Variants in UBE3C observed in about 807,000 individuals in gnomAD.
UBE3C encodes ubiquitin-protein ligase E3C.
Under a neutral mutation model 129.4 loss-of-function variants are expected in UBE3C, and 42 were observed. That is an observed-to-expected ratio of 0.32 (90% confidence interval 0.25 to 0.42). The LOEUF is 0.42. Ranked by LOEUF, UBE3C falls within the 10% of genes least tolerant of loss-of-function variation. The pLI, the probability that UBE3C is intolerant of heterozygous loss-of-function variation, is 1.00. For missense variants in UBE3C, 1,049 were observed against 1,319.1 expected (o/e 0.80, Z 3.17); for synonymous variants, 510 against 492.4 (o/e 1.04, Z -0.47).
chr7:157,180,732 C>T (rs935784977), intron 6 of UBE3C, among the ~76,000 whole-genome samples: 2 of 152,180 alleles, frequency 1.3e-5, no homozygotes, highest in Non-Finnish European at 2.9e-5. Context: ...GAGTTCCTAT[C>T]AGAAGCGTAG....
At chr7:157,259,638 T>C (rs552335574) in intron 22 of UBE3C, among the ~76,000 whole-genome samples, 7 of 152,308 alleles carry the variant, frequency 4.6e-5, no homozygotes, top group African/African-American at 1.7e-4. Flanking sequence ...CTACGTATTA[T>C]TATATGTAAT....
At chr7:157,187,097 C>G (rs2116939685) in intron 10 of UBE3C, 76 bp downstream of exon 10, 2 of 1,467,826 alleles carry the variant, frequency 1.4e-6, no homozygotes, top group South Asian at 2.7e-5. Context: ...TTGCTCTCCT[C>G]TTAAGTTTTG....
At chr7:157,233,066 C>T (rs1488577608) in intron 18 of UBE3C, among the ~76,000 whole-genome samples, 1 of 152,122 alleles carries the variant, frequency 6.6e-6, no homozygotes, top group Non-Finnish European at 1.5e-5. Context: ...CTCCCCCAGC[C>T]CTGGCCAACC....
At chr7:157,197,732 CTG>C (rs2116974824) in intron 10 of UBE3C, 5 of 1,610,792 alleles carry the variant, frequency 3.1e-6, no homozygotes, top group Middle Eastern at 1.7e-4. Context: ...CAGGACAAGA[CTG>C]TACAATAAAG....
intron 17 of UBE3C, among the ~76,000 whole-genome samples, chr7:157,226,837 C>T (rs1382438706): frequency 1.3e-5 from 2 of 151,810 alleles, no homozygotes; most frequent in African/African-American, 2.4e-5. Flanking sequence ...GCTGTGGCCT[C>T]TCCACAGGGC....
intron 17 of UBE3C, 57 bp from the exon 18 acceptor site, chr7:157,231,023 A>C (rs562722043): frequency 6.3e-7 from 1 of 1,596,036 alleles, no homozygotes; most frequent in South Asian, 1.1e-5. Flanking sequence ...AGGCTAGTTG[A>C]TGTTATTGCT....
intron 9 of UBE3C, 139 bp from the exon 10 acceptor site, chr7:157,186,695 G>A: frequency 1.1e-6 from 1 of 912,434 alleles, no homozygotes; most frequent in Middle Eastern, 2.4e-4. Flanking sequence ...CACACTAAGT[G>A]TACTGTGATG....
chr7:157,175,525 G>A (rs1037353265), intron 5 of UBE3C, among the ~76,000 whole-genome samples: 1 of 152,158 alleles, frequency 6.6e-6, no homozygotes, highest in African/African-American at 2.4e-5. Flanking sequence ...AGTGATGTGA[G>A]TTACATTACC....
intron 11 of UBE3C, among the ~76,000 whole-genome samples, chr7:157,205,697 T>C (rs1226396070): frequency 6.6e-6 from 1 of 152,272 alleles, no homozygotes; most frequent in Non-Finnish European, 1.5e-5. Context: ...CATTCATTCA[T>C]TGATGAATCT....
intron 13 of UBE3C, 119 bp downstream of exon 13, chr7:157,208,054 ACTT>A (rs1809486376): frequency 7.0e-5 from 8 of 114,762 alleles, no homozygotes; most frequent in East Asian, 6.2e-4. Context: ...AATTTGCAAG[ACTT>A]TTTTTTTTTT....
intron 4 of UBE3C, among the ~76,000 whole-genome samples, chr7:157,174,101 G>A (rs969893658): frequency 7.9e-5 from 12 of 152,268 alleles, no homozygotes; most frequent in African/African-American, 1.2e-4. Context: ...GGTGGCTCAC[G>A]TGTATAATCC....
chr7:157,197,122 AATT>A (rs1473417708), intron 10 of UBE3C, among the ~76,000 whole-genome samples: 18 of 152,336 alleles, frequency 1.2e-4, no homozygotes, highest in Admixed American at 7.2e-4. Context: ...TAGGAGAAAT[AATT>A]ATTGTATGAT....
At chr7:157,230,164 C>T (rs534061584) in intron 17 of UBE3C, among the ~76,000 whole-genome samples, 6 of 152,106 alleles carry the variant, frequency 3.9e-5, no homozygotes, top group South Asian at 2.1e-4. Flanking sequence ...CCCACCTCAG[C>T]GTCCCAAAGT....
At chr7:157,200,835 C>T (rs1300541360) in intron 10 of UBE3C, among the ~76,000 whole-genome samples, 1 of 152,058 alleles carries the variant, frequency 6.6e-6, no homozygotes, top group African/African-American at 2.4e-5. Context: ...AGGCTGGTCT[C>T]AAACTCCTAG....
At chr7:157,163,145 G>A (rs1210440060) in intron 1 of UBE3C, among the ~76,000 whole-genome samples, 1 of 152,008 alleles carries the variant, frequency 6.6e-6, no homozygotes, top group East Asian at 1.9e-4. Flanking sequence ...CAGCACTTTG[G>A]GAGGCCGAGG....
chr7:157,224,102 G>T (rs1036705484), intron 16 of UBE3C, among the ~76,000 whole-genome samples: 2 of 151,920 alleles, frequency 1.3e-5, no homozygotes, highest in Non-Finnish European at 2.9e-5. Context: ...TCAAACTCCT[G>T]GGCGCAAGCC....
chr7:157,156,394 C>A (rs1247622620), intron 1 of UBE3C, among the ~76,000 whole-genome samples: 3 of 149,838 alleles, frequency 2.0e-5, no homozygotes, highest in Non-Finnish European at 3.0e-5. Flanking sequence ...GCAGCCTCCA[C>A]CTCCCAGGTT....
intron 17 of UBE3C, among the ~76,000 whole-genome samples, chr7:157,229,582 G>T (rs1340620562): frequency 6.6e-6 from 1 of 152,154 alleles, no homozygotes; most frequent in East Asian, 1.9e-4. Context: ...CTCCCAAAGT[G>T]CTGGGATTAC....
Position 157,155,797 on chromosome 7 carries a change from A to G in UBE3C, c.67-8013A>G, listed in dbSNP as rs537564677. On this transcript the variant is annotated intron_variant, in intron 1 of 22. Coordinates refer to ENST00000348165, the MANE Select transcript of UBE3C (RefSeq NM_014671.3). The stretch of plus-strand genomic sequence containing the variant: ...AGATAACGATAGTACCTAAAGCTCC[A>G]CAGGCACCCAGAGCAGTTGGCTGTG... Among the ~76,000 whole-genome samples, 4 of 152,356 alleles carry G rather than the reference A, an allele frequency of 2.6e-5. No individual in the cohort carries two copies. In the East Asian group the frequency reaches 7.7e-4, roughly 29 times the overall value.
Sources: gnomAD v4.1 joint callset for allele counts (sites outside exome capture counted in the v4.1 genomes callset) on GRCh38, gnomAD v4.1.1 for gene constraint, MANE v1.5 for transcripts, NCBI Gene and HGNC (gene_info 2026-07-23, HGNC 2026-07-21) for gene names.